SCFD2: variants seen among roughly 807,000 people sequenced by gnomAD.
The protein encoded by SCFD2 is sec1 family domain containing 2.
SCFD2 carries 54 observed loss-of-function variants against 58.9 expected under a neutral mutation model. The ratio of observed to expected loss-of-function variants is 0.92; its 90% CI spans 0.74 to 1.15. The LOEUF is 1.15. SCFD2 is among the 50% of genes most tolerant of loss of function. The pLI, the probability that SCFD2 is intolerant of heterozygous loss-of-function variation, is 0.00. For missense variants in SCFD2, 805 were observed against 836.6 expected (o/e 0.96, Z 0.47); for synonymous variants, 321 against 335.9 (o/e 0.96, Z 0.49).
At chr4:53,250,811 A>G (rs1466508573) in intron 4 of SCFD2, among the ~76,000 whole-genome samples, 1 of 152,204 alleles carries the variant, frequency 6.6e-6, no homozygotes, top group East Asian at 1.9e-4. Context: ...TAAAATTGAC[A>G]CCCTAACATC....
intron 5 of SCFD2, among the ~76,000 whole-genome samples, chr4:53,057,258 C>T (rs531211960): frequency 6.6e-6 from 1 of 152,174 alleles, no homozygotes; most frequent in Admixed American, 6.6e-5. Context: ...TGGAACCAAC[C>T]CAAATGCCCA....
At chr4:53,001,564 C>G (rs1721866536) in intron 5 of SCFD2, among the ~76,000 whole-genome samples, 1 of 152,150 alleles carries the variant, frequency 6.6e-6, no homozygotes, top group Admixed American at 6.5e-5. Flanking sequence ...CTAAAACAAA[C>G]TAGTTTTCCA....
chr4:53,340,679 C>A (rs1490548345), intron 2 of SCFD2, among the ~76,000 whole-genome samples: 1 of 152,208 alleles, frequency 6.6e-6, no homozygotes, highest in African/African-American at 2.4e-5. Context: ...GTGTCCCTCA[C>A]CCCCGAGTAG....
intron 2 of SCFD2, among the ~76,000 whole-genome samples, chr4:53,324,534 G>A (rs1039439355): frequency 6.6e-6 from 1 of 152,134 alleles, no homozygotes. Context: ...GACATGCCAG[G>A]CAGGGCCACA....
chr4:53,334,250 G>C (rs1370975433), intron 2 of SCFD2, among the ~76,000 whole-genome samples: 3 of 151,710 alleles, frequency 2.0e-5, no homozygotes, highest in Admixed American at 1.3e-4. Context: ...CCCATTACTG[G>C]GTATATACCC....
chr4:53,302,828 C>G (rs1394478092), intron 3 of SCFD2, among the ~76,000 whole-genome samples: 1 of 152,088 alleles, frequency 6.6e-6, no homozygotes, highest in Non-Finnish European at 1.5e-5. Context: ...TTTGACAAAC[C>G]TGACAAAAAC....
chr4:52,895,750 G>A (rs925874810), intron 7 of SCFD2, among the ~76,000 whole-genome samples: 5 of 152,170 alleles, frequency 3.3e-5, no homozygotes, highest in Middle Eastern at 3.2e-3. Context: ...TCGTCACACC[G>A]ATTTCCACAG....
intron 3 of SCFD2, among the ~76,000 whole-genome samples, chr4:53,299,229 C>T (rs1732173058): frequency 6.6e-6 from 1 of 152,080 alleles, no homozygotes; most frequent in South Asian, 2.1e-4. Context: ...ACTAGAATAA[C>T]CAATGCAGAG....
At position 53,049,856 on chromosome 4, in the gene SCFD2, G is replaced by C. The variant is rs189974139; in HGVS notation, c.1561+95477C>G. Among the ~76,000 whole-genome samples the C allele has an allele frequency of 2.1e-3, 326 of 152,162 alleles. 1 individual carries two copies. Among genetic ancestry groups the C allele is most frequent in the Non-Finnish European group, 4.3e-3 (291 of 67,982 alleles). ...CAGTGGAGGGGTTATAGGTCATTTT[G>C]TTGATGTTTTTGTTTTATTTGAGGT... On this transcript the variant is annotated intron_variant, in intron 5 of 8. Transcript: ENST00000401642.
chr4:53,352,528 A>G (rs1734252714), intron 2 of SCFD2, 70 bp downstream of exon 2: 1 of 1,242,322 alleles, frequency 8.0e-7, no homozygotes, highest in Non-Finnish European at 1.1e-6. Flanking sequence ...TCCTATGGGA[A>G]TACTCAGTCT....
Position 53,327,140 on chromosome 4 carries a change from G to A in SCFD2, c.1008-13377C>T, listed in dbSNP as rs141069473. Among the ~76,000 whole-genome samples the A allele has an allele frequency of 4.4e-3, 673 of 152,150 alleles. 4 individuals are homozygous for A. The highest frequency in any genetic ancestry group is 0.027 in the Middle Eastern group (8 of 294). ...TGGAAACATGTTAGCACAGAGTGTC[G>A]GAGCCTGAGAGGGGTGAGCGGGTAT... On this transcript the variant is annotated intron_variant, in intron 2 of 8. Transcript: ENST00000401642.
intron 4 of SCFD2, among the ~76,000 whole-genome samples, chr4:53,245,209 A>G (rs1306629088): frequency 6.6e-6 from 1 of 152,092 alleles, no homozygotes; most frequent in African/African-American, 2.4e-5. Context: ...TGCTACTGAA[A>G]CTATTCAAAA....
At chr4:53,089,358 T>C (rs1577717956) in intron 5 of SCFD2, among the ~76,000 whole-genome samples, 2 of 152,062 alleles carry the variant, frequency 1.3e-5, no homozygotes, top group East Asian at 3.9e-4. Flanking sequence ...ATTGCTAGTG[T>C]CCTTTGAAGC....
chr4:52,995,100 T>C (rs1438960724), intron 5 of SCFD2, among the ~76,000 whole-genome samples: 1 of 152,172 alleles, frequency 6.6e-6, no homozygotes, highest in Non-Finnish European at 1.5e-5. Flanking sequence ...ATTTCTATTA[T>C]TATTACATTT....
At chr4:53,291,306 A>G (rs1457139537) in intron 3 of SCFD2, among the ~76,000 whole-genome samples, 1 of 152,180 alleles carries the variant, frequency 6.6e-6, no homozygotes, top group Admixed American at 6.6e-5. Context: ...CAAATCAAAA[A>G]TCACAAGCAT....
chr4:53,260,061 T>C (rs1407480200), intron 4 of SCFD2, among the ~76,000 whole-genome samples: 1 of 152,000 alleles, frequency 6.6e-6, no homozygotes, highest in Non-Finnish European at 1.5e-5. Context: ...GGTTTATAGA[T>C]TTGTGTGCAT....
chr4:53,066,887 T>C (rs1206509099), intron 5 of SCFD2, among the ~76,000 whole-genome samples: 3 of 152,012 alleles, frequency 2.0e-5, no homozygotes, highest in Non-Finnish European at 2.9e-5. Context: ...ACGTAGCAGT[T>C]ATTCAATCCA....
intron 5 of SCFD2, among the ~76,000 whole-genome samples, chr4:53,076,932 T>C (rs1723994098): frequency 6.6e-6 from 1 of 152,204 alleles, no homozygotes; most frequent in Non-Finnish European, 1.5e-5. Context: ...ATTTTACATA[T>C]TGCTCACTCA....
chr4:53,187,430 G>GA (rs1355642946), intron 4 of SCFD2, among the ~76,000 whole-genome samples: 1 of 151,772 alleles, frequency 6.6e-6, no homozygotes, highest in African/African-American at 2.4e-5. Context: ...TCTAAAAAAA[G>GA]AAAAAAGTAC....
Sources: allele counts gnomAD v4.1 joint callset (sites outside exome capture counted in the v4.1 genomes callset), GRCh38; gene constraint gnomAD v4.1.1; transcripts MANE v1.5; gene names NCBI Gene and HGNC (gene_info 2026-07-23, HGNC 2026-07-21).